The following SCAPER variants were observed in gnomAD, a reference collection of about 807,000 sequenced individuals.
SCAPER encodes S phase cyclin A-associated protein in the endoplasmic reticulum.
Under a neutral mutation model 182.2 loss-of-function variants are expected in SCAPER, and 98 were observed. That is an observed-to-expected ratio of 0.54 (90% CI 0.46 to 0.64). SCAPER has a LOEUF of 0.64. Ranked by LOEUF, SCAPER falls within the 30% of genes least tolerant of loss-of-function variation. The pLI, the probability that SCAPER is intolerant of heterozygous loss-of-function variation, is 0.00. For missense variants in SCAPER, 1,432 were observed against 1,690.0 expected (o/e 0.85, Z 2.68); for synonymous variants, 605 against 564.6 (o/e 1.07, Z -1.01).
chr15:76,489,390 A>C (rs1457631445), intron 24 of SCAPER, among the ~76,000 whole-genome samples: 1 of 151,618 alleles, frequency 6.6e-6, no homozygotes, highest in East Asian at 2.0e-4. Flanking sequence ...AACCACCACA[A>C]TAAAGATACA....
rs560831931 is a variant in SCAPER at position 76,548,594 on chromosome 15, C to T, written c.2838+25564G>A. 2.6e-5 allele frequency among the ~76,000 whole-genome samples: 4 copies of T among 152,224 alleles called. No individual in the cohort carries two copies. The South Asian group carries it at 8.3e-4, about 32-fold the overall frequency. ...GCGCCACTGGTGAGTATTCTCAAGGCAAATGGGAAAAGGGTTAAAAGATTT... is the reference window on the plus strand; with the variant it reads ...GCGCCACTGGTGAGTATTCTCAAGGTAAATGGGAAAAGGGTTAAAAGATTT... On this transcript the variant is annotated intron_variant, in intron 23 of 31. Coordinates refer to ENST00000563290, the MANE Select transcript of SCAPER (RefSeq NM_020843.4).
intron 20 of SCAPER, among the ~76,000 whole-genome samples, chr15:76,698,124 C>T (rs1009517894): frequency 6.6e-6 from 1 of 151,764 alleles, no homozygotes; most frequent in Non-Finnish European, 1.5e-5. Flanking sequence ...CCATACTATT[C>T]TCTCTTAAAC....
At chr15:76,352,486 C>CT (rs3033117) in intron 30 of SCAPER, among the ~76,000 whole-genome samples, 25 of 138,060 alleles carry the variant, frequency 1.8e-4, no homozygotes, top group African/African-American at 6.5e-4. Flanking sequence ...TTTGTATTTT[C>CT]TTTTTTTTTT....
At chr15:76,415,176 C>T (rs2045566019) in intron 26 of SCAPER, among the ~76,000 whole-genome samples, 2 of 152,036 alleles carry the variant, frequency 1.3e-5, no homozygotes, top group Non-Finnish European at 2.9e-5. Flanking sequence ...ATGATGGGAA[C>T]TAAAATTTGT....
chr15:76,605,191 C>G (rs141302978), intron 22 of SCAPER, among the ~76,000 whole-genome samples: 1 of 152,216 alleles, frequency 6.6e-6, no homozygotes. Flanking sequence ...TTTTGAGATA[C>G]GACCCATCAA....
In SCAPER at chr15:76,536,968, C is replaced by T. The variant is rs34171224; in HGVS notation, c.2839-31994G>A. ...ATCATGAGTGAACTCCCATTCACAA[C>T]TGCTTCAAAGAGAATAAAATACTTA... On this transcript the variant is annotated intron_variant, in intron 23 of 31. Transcript: ENST00000563290. 3.2e-3 allele frequency among the ~76,000 whole-genome samples: 486 copies of T among 151,980 alleles called. 5 individuals are homozygous for T. The highest frequency in any genetic ancestry group is 0.011 in the African/African-American group (446 of 41,438).
intron 22 of SCAPER, among the ~76,000 whole-genome samples, chr15:76,608,402 T>A (rs2120110): frequency 6.6e-6 from 1 of 151,916 alleles, no homozygotes; most frequent in South Asian, 2.1e-4. Flanking sequence ...GAGTACCCGG[T>A]CGTGTAAGGT....
rs145551431 is a variant in SCAPER at position 76,816,910 on chromosome 15, C to T, written c.394-12277G>A. Among the ~76,000 whole-genome samples the T allele has an allele frequency of 6.7e-3, 1,021 of 152,206 alleles. 15 individuals are homozygous for T. Among genetic ancestry groups the T allele is most frequent in the African/African-American group, 0.023 (941 of 41,520 alleles). On this transcript the variant is annotated intron_variant, in intron 5 of 31. Transcript: ENST00000563290. ...CTTGTGATCCACCCGCCTTGGCCTCCCAAAGTGCTGGGATTACAGGCGTGA... is the reference window on the plus strand; with the variant it reads ...CTTGTGATCCACCCGCCTTGGCCTCTCAAAGTGCTGGGATTACAGGCGTGA...
intron 5 of SCAPER, among the ~76,000 whole-genome samples, chr15:76,826,261 A>G (rs538410821): frequency 2.0e-3 from 298 of 152,018 alleles, no homozygotes; most frequent in Non-Finnish European, 3.8e-3. Context: ...TGTCCTTTGT[A>G]GGGACATGGA....
intron 22 of SCAPER, among the ~76,000 whole-genome samples, chr15:76,605,194 C>T (rs981716370): frequency 1.3e-5 from 2 of 152,118 alleles, no homozygotes; most frequent in African/African-American, 4.8e-5. Flanking sequence ...TGAGATACGA[C>T]CCATCAATAC....
chr15:76,622,416 GA>G (rs888301575), intron 21 of SCAPER, among the ~76,000 whole-genome samples: 33 of 145,528 alleles, frequency 2.3e-4, no homozygotes, highest in South Asian at 1.7e-3. Flanking sequence ...AATGACAGGT[GA>G]AAAAAAAAAT....
At chr15:76,878,535 A>G (rs900920697) in intron 2 of SCAPER, among the ~76,000 whole-genome samples, 1 of 152,194 alleles carries the variant, frequency 6.6e-6, no homozygotes, top group Non-Finnish European at 1.5e-5. Flanking sequence ...GGTATTAAAA[A>G]ATGAAAAAGC....
At chr15:76,465,576 G>A (rs2049545046) in intron 25 of SCAPER, among the ~76,000 whole-genome samples, 1 of 152,068 alleles carries the variant, frequency 6.6e-6, no homozygotes, top group Non-Finnish European at 1.5e-5. Flanking sequence ...TTAGTTTAAT[G>A]TAATCTCATT....
At chr15:76,434,866 G>C (rs987807075) in intron 25 of SCAPER, among the ~76,000 whole-genome samples, 2 of 152,204 alleles carry the variant, frequency 1.3e-5, no homozygotes, top group African/African-American at 2.4e-5. Flanking sequence ...TTAAACGTTG[G>C]AGCTTGGACC....
chr15:76,705,005 A>C (rs1371903197), intron 18 of SCAPER, among the ~76,000 whole-genome samples: 1 of 152,220 alleles, frequency 6.6e-6, no homozygotes, highest in Non-Finnish European at 1.5e-5. Flanking sequence ...TCAGGGATCT[A>C]GAACTAGAAA....
At chr15:76,525,186 T>C (rs1458721155) in intron 23 of SCAPER, among the ~76,000 whole-genome samples, 1 of 152,124 alleles carries the variant, frequency 6.6e-6, no homozygotes, top group Non-Finnish European at 1.5e-5. Context: ...ATAATTATGA[T>C]GTTTTTCCTG....
At chr15:76,630,119 C>G (rs2052965028) in intron 21 of SCAPER, among the ~76,000 whole-genome samples, 1 of 151,904 alleles carries the variant, frequency 6.6e-6, no homozygotes, top group African/African-American at 2.4e-5. Flanking sequence ...ACAGTATTCT[C>G]TATTTCTGTG....
At chr15:76,652,271 AAAATATATATATATATAT>A (rs2055139043) in intron 21 of SCAPER, among the ~76,000 whole-genome samples, 1 of 15,364 alleles carries the variant, frequency 6.5e-5, no homozygotes, top group Non-Finnish European at 1.2e-4. Flanking sequence ...AAAAAAAAAA[AAAATATATATATATATAT>A]ATATATATAT....
rs558571570 is a variant in SCAPER, at chr15:76,661,890, G to A, written c.2645+3763C>T. On this transcript the variant is annotated intron_variant, in intron 21 of 31. Coordinates refer to ENST00000563290, the MANE Select transcript of SCAPER (RefSeq NM_020843.4). ...TAAAGATACATGGACACTTATGTTT[G>A]TTGCAGCACTATTCACAATAACAAA... Among the ~76,000 whole-genome samples, 8 of 152,168 alleles carry A rather than the reference G, an allele frequency of 5.3e-5. No homozygotes were observed. The South Asian group carries it at 1.5e-3, about 28-fold the overall frequency.
Sources: allele counts gnomAD v4.1 joint callset (sites outside exome capture counted in the v4.1 genomes callset), GRCh38; gene constraint gnomAD v4.1.1; transcripts MANE v1.5; gene names NCBI Gene and HGNC (gene_info 2026-07-23, HGNC 2026-07-21).